CAPRIN1: variants seen among roughly 807,000 people sequenced by gnomAD.
CAPRIN1 encodes caprin-1.
A neutral mutation model predicts 100.9 loss-of-function variants in CAPRIN1; 29 were observed. The ratio of observed to expected loss-of-function variants is 0.29; its 90% CI spans 0.21 to 0.39. CAPRIN1 has a LOEUF of 0.39. Among genes scored for constraint, CAPRIN1 ranks in the 10% least tolerant of loss-of-function variants. The probability of loss-of-function intolerance (pLI) is 1.00; values close to 1 mark genes in which losing one functional copy is unlikely to be tolerated. For missense variants in CAPRIN1, 795 were observed against 876.7 expected (o/e 0.91, Z 1.18); for synonymous variants, 338 against 307.5 (o/e 1.10, Z -1.04).
intron 2 of CAPRIN1, among the ~76,000 whole-genome samples, chr11:34,059,879 CTTTTTTTTTT>C (rs570241213): frequency 9.1e-6 from 1 of 109,850 alleles, no homozygotes; most frequent in Non-Finnish European, 1.9e-5. Context: ...TAGAAGAATA[CTTTTTTTTTT>C]TTTTTTTTTT....
intron 18 of CAPRIN1, chr11:34,098,488 T>G (rs545064499): frequency 2.0e-6 from 2 of 985,386 alleles, no homozygotes; most frequent in South Asian, 9.4e-5. Context: ...AATGGTTCTC[T>G]GATTTGAGGG....
At chr11:34,064,564 A>G (rs749249664) in intron 2 of CAPRIN1, among the ~76,000 whole-genome samples, 7 of 152,234 alleles carry the variant, frequency 4.6e-5, no homozygotes, top group Admixed American at 2.6e-4. Flanking sequence ...AGTAATCTTT[A>G]TAGCTATAGT....
intron 7 of CAPRIN1, among the ~76,000 whole-genome samples, chr11:34,081,661 G>A (rs116799658): frequency 0.11 from 16,250 of 151,674 alleles, 958 homozygotes; most frequent in African/African-American, 0.17. Context: ...ACCTGACTCA[G>A]TTTTTTTTGT....
In CAPRIN1 at chr11:34,096,545, C is replaced by T; in HGVS notation, c.1772C>T (p.Pro591Leu). The T allele has an allele frequency of 1.2e-6, 2 of 1,614,124 alleles. No individual in the cohort carries two copies. The highest frequency in any genetic ancestry group is 1.7e-6 in the Non-Finnish European group (2 of 1,180,012). The change falls in exon 16 of 19, where the codon CCT becomes CTT. Residue 591 changes from proline to leucine, a missense_variant. Pro to Leu is a moderately conservative substitution (Grantham distance 98). Coordinates refer to ENST00000341394, the MANE Select transcript of CAPRIN1 (RefSeq NM_005898.5). ...HQVTGNHQQP[P>L]QQNTGFPRSN... Reference sequence around the variant, plus strand: ...GTGACTGGTAACCACCAGCAGCCTCCTCAGCAGAACACTGGATTTCCACGT... The same window carrying T: ...GTGACTGGTAACCACCAGCAGCCTCTTCAGCAGAACACTGGATTTCCACGT...
chr11:34,069,473 C>T (rs1850768561), intron 2 of CAPRIN1, among the ~76,000 whole-genome samples: 2 of 151,932 alleles, frequency 1.3e-5, no homozygotes, highest in South Asian at 4.2e-4. Context: ...TAAAAATAGC[C>T]TACCCTTTAA....
rs772530081 is a variant in CAPRIN1 at position 34,052,489 on chromosome 11, C to T, written c.69C>T (p.Ser23=). 64 of 1,607,588 alleles carry T rather than the reference C, an allele frequency of 4.0e-5. No homozygotes were observed. Among genetic ancestry groups the T allele is most frequent in the Non-Finnish European group, 5.1e-5 (60 of 1,178,236 alleles). ...KSSGPPPPSG[S]SGSEAAAGAG... ...CCGGACCGCCACCGCCGTCGGGTTC[C>T]TCCGGGAGTGAGGCGGCCGCGGGAG... The change falls in exon 2 of 19, where the codon TCC becomes TCT. Residue 23 remains serine, a synonymous_variant. Transcript: ENST00000341394.
At chr11:34,066,849 G>C (rs1850707094) in intron 2 of CAPRIN1, among the ~76,000 whole-genome samples, 1 of 149,900 alleles carries the variant, frequency 6.7e-6, no homozygotes, top group Non-Finnish European at 1.5e-5. Flanking sequence ...GGCCAGGCTG[G>C]TCTCCAGCTC....
At position 34,076,602 on chromosome 11, in the gene CAPRIN1, C is replaced by G; in HGVS notation, c.648C>G (p.Asp216Glu). Reference protein sequence around the residue: ...QYEHASIHLWDLLEGKEKPVC... With the variant: ...QYEHASIHLWELLEGKEKPVC... ...AACATGCCTCCATTCACCTGTGGGA[C>G]CTGCTGGAAGGGAAGGAAAAACCTG... The change falls in exon 6 of 19, where the codon GAC (aspartate) becomes GAG (glutamate). Residue 216 changes from aspartate (D) to glutamate (E), a missense_variant. By Grantham distance (45) the Asp-to-Glu change is conservative. Transcript: ENST00000341394. The G allele has an allele frequency of 6.2e-7, 1 of 1,613,800 alleles. No individual in the cohort carries two copies. Among genetic ancestry groups the G allele is most frequent in the Non-Finnish European group, 8.5e-7 (1 of 1,179,830 alleles).
rs190646084 is a variant in CAPRIN1 at position 34,082,660 on chromosome 11, T to C, written c.827-165T>C. 9.8e-5 allele frequency among the ~76,000 whole-genome samples: 15 copies of C among 152,304 alleles called. No homozygotes were observed. The East Asian group carries it at 2.7e-3, about 27-fold the overall frequency. On this transcript the variant is annotated intron_variant, in intron 7 of 18. Coordinates refer to ENST00000341394, the MANE Select transcript of CAPRIN1 (RefSeq NM_005898.5). Reference sequence around the variant, plus strand: ...GGATAAACCCAAACTGACACATTATTATCACCCAAAGTCCATAGTTTACAT... The same window carrying C: ...GGATAAACCCAAACTGACACATTATCATCACCCAAAGTCCATAGTTTACAT...
intron 11 of CAPRIN1, among the ~76,000 whole-genome samples, chr11:34,087,002 G>A (rs1425061502): frequency 6.6e-6 from 1 of 152,148 alleles, no homozygotes; most frequent in Non-Finnish European, 1.5e-5. Context: ...GAGGCAAAGG[G>A]AAGAGAGAAA....
Position 34,083,035 on chromosome 11 carries a change from G to C in CAPRIN1, c.960G>C (p.Thr320=). 1 of 1,611,510 alleles carries C rather than the reference G, an allele frequency of 6.2e-7. No individual in the cohort carries two copies. The highest frequency in any genetic ancestry group is 8.5e-7 in the Non-Finnish European group (1 of 1,177,718). The part of the protein sequence containing the change: ...KEQVDEWTVE[T]VEVVNSLQQQ... The stretch of plus-strand genomic sequence containing the variant: ...AGGTAGATGAGTGGACAGTTGAAAC[G>C]GTTGAGGTAAGAGTTCTCTGTATTG... Residue 320 remains threonine (T), a synonymous_variant, in exon 9 of 19, where the codon ACG becomes ACC. Transcript: ENST00000341394.
chr11:34,093,107 G>A (rs1029405351), intron 15 of CAPRIN1, among the ~76,000 whole-genome samples: 6 of 151,502 alleles, frequency 4.0e-5, no homozygotes, highest in Non-Finnish European at 7.4e-5. Flanking sequence ...TGCCTTGAGC[G>A]AACTTATTGT....
chr11:34,090,375 T>G, intron 13 of CAPRIN1, 86 bp downstream of exon 13: 1 of 1,247,790 alleles, frequency 8.0e-7, no homozygotes, highest in Non-Finnish European at 1.2e-6. Flanking sequence ...ATATAATGAT[T>G]CTTCTTTTTG....
intron 4 of CAPRIN1, among the ~76,000 whole-genome samples, chr11:34,072,217 A>G (rs1318477112): frequency 6.6e-6 from 1 of 152,042 alleles, no homozygotes. Context: ...CTGGCTCCTC[A>G]ATAGGTTGAG....
chr11:34,051,988 C>A (rs1326429480), intron 1 of CAPRIN1, 117 bp downstream of exon 1: 1 of 151,868 alleles, frequency 6.6e-6, no homozygotes, highest in African/African-American at 2.4e-5. Context: ...CCCCCCACCC[C>A]ACCCCGGTCA....
chr11:34,079,036 G>A (rs908844543), intron 6 of CAPRIN1, among the ~76,000 whole-genome samples: 6 of 142,070 alleles, frequency 4.2e-5, no homozygotes. Context: ...CTAATGTGTA[G>A]TAGGTGCTGA....
chr11:34,064,792 T>G (rs1850653541), intron 2 of CAPRIN1, among the ~76,000 whole-genome samples: 1 of 152,096 alleles, frequency 6.6e-6, no homozygotes, highest in Admixed American at 6.5e-5. Context: ...CCCCTAAGTG[T>G]TCAGATCATA....
Position 34,097,215 on chromosome 11 carries a change from C to T in CAPRIN1, c.1920C>T (p.Arg640=). 7 of 1,612,358 alleles carry T rather than the reference C, an allele frequency of 4.3e-6. No individual in the cohort carries two copies. The highest frequency in any genetic ancestry group is 5.9e-6 in the Non-Finnish European group (7 of 1,178,420). ...NGFRGGYDGY[R]PSFSNTPNSG... ...TTTTAGGAGGATATGATGGTTACCG[C>T]CCTTCATTCTCTAACACTCCAAACA... is the stretch of plus-strand genomic sequence containing the variant. Residue 640 remains arginine (R), a synonymous_variant, in exon 17 of 19, where the codon CGC becomes CGT. Coordinates refer to ENST00000341394, the MANE Select transcript of CAPRIN1 (RefSeq NM_005898.5).
intron 11 of CAPRIN1, among the ~76,000 whole-genome samples, chr11:34,087,863 A>G (rs16925155): frequency 0.1 from 15,546 of 152,250 alleles, 862 homozygotes; most frequent in African/African-American, 0.15. Context: ...GAAAATGGGT[A>G]CTTTCTAAAT....
Sources: gnomAD v4.1 joint callset for allele counts (sites outside exome capture counted in the v4.1 genomes callset) on GRCh38, gnomAD v4.1.1 for gene constraint, MANE v1.5 for transcripts, NCBI Gene and HGNC (gene_info 2026-07-23, HGNC 2026-07-21) for gene names.